Variants in RLF observed in about 807,000 individuals in gnomAD.
RLF encodes the protein zinc finger protein Rlf.
RLF carries 7 observed loss-of-function variants against 162.9 expected under a neutral mutation model. The ratio of observed to expected loss-of-function variants is 0.04; its 90% CI spans 0.02 to 0.08. The LOEUF (loss-of-function observed/expected upper bound fraction) is 0.08, where lower values mean the gene tolerates loss of function less well. RLF is among the 10% of genes least tolerant of loss of function. RLF has a pLI of 1.00. For synonymous variants in RLF, 782 were observed against 791.5 expected (o/e 0.99, Z 0.20); for missense variants, 1,664 against 2,244.7 (o/e 0.74, Z 5.23).
intron 3 of RLF, among the ~76,000 whole-genome samples, chr1:40,192,201 C>T (rs531128255): frequency 7.2e-5 from 11 of 152,266 alleles, no homozygotes; most frequent in East Asian, 1.9e-4. Flanking sequence ...ATCTTTCATG[C>T]GTAGCACTTT....
At chr1:40,205,979 C>A (rs1030886387) in intron 5 of RLF, among the ~76,000 whole-genome samples, 1 of 152,090 alleles carries the variant, frequency 6.6e-6, no homozygotes, top group African/African-American at 2.4e-5. Context: ...TCTCTTTTTA[C>A]ACTTAACTAG....
chr1:40,196,475 T>G (rs2124539085), intron 4 of RLF, among the ~76,000 whole-genome samples: 3 of 152,188 alleles, frequency 2.0e-5, no homozygotes, highest in Admixed American at 2.0e-4. Flanking sequence ...TATAGAGAGA[T>G]GCAAAGAATG....
chr1:40,180,874 C>T (rs934680348), intron 1 of RLF, among the ~76,000 whole-genome samples: 4 of 152,136 alleles, frequency 2.6e-5, no homozygotes, highest in Non-Finnish European at 5.9e-5. Context: ...TCCTTTGATG[C>T]ACAGAAGTTT....
intron 6 of RLF, among the ~76,000 whole-genome samples, chr1:40,228,001 TG>T (rs1250584840): frequency 6.6e-6 from 1 of 151,448 alleles, no homozygotes; most frequent in Non-Finnish European, 1.5e-5. Context: ...AGGCTCCATC[TG>T]GGGGGAAAAA....
At chr1:40,187,682 G>A (rs1190873385) in intron 1 of RLF, among the ~76,000 whole-genome samples, 4 of 151,990 alleles carry the variant, frequency 2.6e-5, no homozygotes, top group Non-Finnish European at 4.4e-5. Context: ...AATGGTCTAT[G>A]GTATATTTCC....
chr1:40,234,336 A>G (rs759739046), intron 7 of RLF, among the ~76,000 whole-genome samples: 13 of 152,172 alleles, frequency 8.5e-5, no homozygotes, highest in Non-Finnish European at 1.6e-4. Flanking sequence ...TTTTTTGTCT[A>G]TAAAATGAGG....
Position 40,239,611 on chromosome 1 carries a change from C to G in RLF, c.4909C>G (p.Gln1637Glu), listed in dbSNP as rs770703738. ...CCCGGGTGACAGTAGTGCACCCATC[C>G]AGAACACTGATTGCTGTCATTCAAG... ...HSPGDSSAPIQNTDCCHSSER... is the reference protein window; with the variant it reads ...HSPGDSSAPIENTDCCHSSER... The change falls in exon 8 of 8, where the codon CAG (glutamine) becomes GAG (glutamate). Residue 1637 changes from glutamine (Q) to glutamate (E), a missense_variant. Gln to Glu is a conservative substitution (Grantham distance 29). Transcript: ENST00000372771. 3 of 1,614,136 alleles carry G rather than the reference C, an allele frequency of 1.9e-6. No individual in the cohort carries two copies. Among genetic ancestry groups the G allele is most frequent in the Admixed American group, 1.7e-5 (1 of 60,010 alleles).
At chr1:40,222,295 T>C (rs560815196) in intron 5 of RLF, among the ~76,000 whole-genome samples, 7 of 152,320 alleles carry the variant, frequency 4.6e-5, no homozygotes, top group Admixed American at 1.3e-4. Context: ...GAGATTATTA[T>C]ATATAATTTG....
intron 3 of RLF, 45 bp downstream of exon 3, chr1:40,190,898 C>G: frequency 8.4e-7 from 1 of 1,197,304 alleles, no homozygotes; most frequent in Non-Finnish European, 1.2e-6. Flanking sequence ...TCCAAGACAC[C>G]TAATTAATTA....
intron 1 of RLF, among the ~76,000 whole-genome samples, chr1:40,173,536 CAG>C (rs1305161220): frequency 1.4e-5 from 2 of 138,746 alleles, no homozygotes; most frequent in African/African-American, 5.8e-5. Context: ...TTTTTTAAGA[CAG>C]AGCCTTGCTC....
intron 5 of RLF, among the ~76,000 whole-genome samples, chr1:40,212,352 A>G (rs1325647272): frequency 1.3e-5 from 2 of 152,212 alleles, no homozygotes; most frequent in Non-Finnish European, 2.9e-5. Context: ...GAAGAATTTC[A>G]TGGAATCCTG....
intron 5 of RLF, among the ~76,000 whole-genome samples, chr1:40,210,098 C>A (rs1456844990): frequency 6.6e-6 from 1 of 152,162 alleles, no homozygotes; most frequent in Non-Finnish European, 1.5e-5. Context: ...CAAAACACTA[C>A]ATTTTGGGTT....
At chr1:40,175,305 C>T (rs1056525818) in intron 1 of RLF, among the ~76,000 whole-genome samples, 89 of 152,020 alleles carry the variant, frequency 5.9e-4, no homozygotes, top group African/African-American at 2.0e-3. Context: ...TTTATTGTCA[C>T]GTGAAATGGA....
At chr1:40,187,253 A>T (rs1349355949) in intron 1 of RLF, among the ~76,000 whole-genome samples, 1 of 152,058 alleles carries the variant, frequency 6.6e-6, no homozygotes, top group Non-Finnish European at 1.5e-5. Flanking sequence ...GATGGTCTCG[A>T]TCTCTTGACT....
At chr1:40,180,162 C>T (rs1642387260) in intron 1 of RLF, among the ~76,000 whole-genome samples, 1 of 152,152 alleles carries the variant, frequency 6.6e-6, no homozygotes, top group South Asian at 2.1e-4. Flanking sequence ...ACCACCATAC[C>T]ATTTTCCAAA....
intron 1 of RLF, among the ~76,000 whole-genome samples, chr1:40,171,788 A>G (rs1350333107): frequency 6.6e-6 from 1 of 152,170 alleles, no homozygotes; most frequent in Non-Finnish European, 1.5e-5. Context: ...CAAACAACTC[A>G]TGCATACATT....
chr1:40,200,092 T>C (rs915546802), intron 4 of RLF, among the ~76,000 whole-genome samples: 1 of 152,212 alleles, frequency 6.6e-6, no homozygotes, highest in Admixed American at 6.5e-5. Context: ...CCTCCATGCT[T>C]TTTGACCTTG....
chr1:40,202,708 C>A, intron 5 of RLF, 94 bp downstream of exon 5: 1 of 755,552 alleles, frequency 1.3e-6, no homozygotes, highest in Non-Finnish European at 2.0e-6. Context: ...AGAATGAAAA[C>A]CAAGATTCAT....
At chr1:40,235,620 G>T (rs1643207457) in intron 7 of RLF, among the ~76,000 whole-genome samples, 172 bp from the exon 8 acceptor site, 1 of 152,132 alleles carries the variant, frequency 6.6e-6, no homozygotes, top group African/African-American at 2.4e-5. Context: ...ATCTAATTTA[G>T]TTCTTTGCAT....
Sources: gnomAD v4.1 joint callset for allele counts (sites outside exome capture counted in the v4.1 genomes callset) on GRCh38, gnomAD v4.1.1 for gene constraint, MANE v1.5 for transcripts, NCBI Gene and HGNC (gene_info 2026-07-23, HGNC 2026-07-21) for gene names.